The following KCNQ3 variants were observed in gnomAD, a reference collection of about 807,000 sequenced individuals.
KCNQ3 encodes potassium voltage-gated channel subfamily KQT member 3.
In KCNQ3, 30 loss-of-function variants were observed where a neutral mutation model predicts 92.5. That is an observed-to-expected ratio of 0.32 (90% confidence interval 0.24 to 0.44). The LOEUF (loss-of-function observed/expected upper bound fraction) is 0.44, where lower values mean the gene tolerates loss of function less well. KCNQ3 is among the 20% of genes least tolerant of loss of function. The pLI is 1.00. For missense variants in KCNQ3, 913 were observed against 1,140.3 expected, an observed-to-expected ratio of 0.80 and a Z score of 2.87; for synonymous variants, 450 against 468.8, an observed-to-expected ratio of 0.96 and a Z score of 0.52.
At chr8:132,198,215 T>C (rs1827360067) in intron 1 of KCNQ3, among the ~76,000 whole-genome samples, 1 of 152,200 alleles carries the variant, frequency 6.6e-6, no homozygotes, top group Non-Finnish European at 1.5e-5. Flanking sequence ...AAAGAAAGCT[T>C]GGAAGAGAAT....
intron 1 of KCNQ3, chr8:132,186,659 G>C: frequency 3.3e-6 from 1 of 298,820 alleles, no homozygotes; most frequent in Non-Finnish European, 6.6e-6. Flanking sequence ...AGGCTTCTGT[G>C]ACCAAGTATG....
chr8:132,148,278 C>G (rs1346410409), intron 9 of KCNQ3, among the ~76,000 whole-genome samples: 1 of 151,986 alleles, frequency 6.6e-6, no homozygotes, highest in Non-Finnish European at 1.5e-5. Flanking sequence ...GAGACAGAGT[C>G]TTGCTCTGTC....
intron 9 of KCNQ3, among the ~76,000 whole-genome samples, chr8:132,162,391 G>C (rs1202535392): frequency 6.6e-6 from 1 of 152,180 alleles, no homozygotes; most frequent in Non-Finnish European, 1.5e-5. Flanking sequence ...TTGAGACCTT[G>C]ATCATCTACT....
At chr8:132,355,108 CTATT>C (rs1239110444) in intron 1 of KCNQ3, among the ~76,000 whole-genome samples, 1 of 152,154 alleles carries the variant, frequency 6.6e-6, no homozygotes, top group Non-Finnish European at 1.5e-5. Context: ...AAGAGCTTAT[CTATT>C]TATGAAAATG....
rs138827118 is a variant in KCNQ3 at position 132,478,564 on chromosome 8, C to T, written c.386+1583G>A. 5.4e-4 allele frequency among the ~76,000 whole-genome samples: 82 copies of T among 152,046 alleles called. 1 individual carries two copies. The highest frequency in any genetic ancestry group is 1.9e-3 in the African/African-American group (77 of 41,456). ...TTTTTTTTCGGCCACCTAAAAAGAG[C>T]AAATGAAAGAGCAACAATTGTTAAG... On this transcript the variant is annotated intron_variant, in intron 1 of 14. Transcript: ENST00000388996.
At chr8:132,229,583 T>G (rs1406237572) in intron 1 of KCNQ3, among the ~76,000 whole-genome samples, 1 of 152,036 alleles carries the variant, frequency 6.6e-6, no homozygotes, top group Non-Finnish European at 1.5e-5. Context: ...TTCTAGGTGG[T>G]GATGTCTAAT....
intron 1 of KCNQ3, among the ~76,000 whole-genome samples, chr8:132,203,009 TG>T (rs1827509005): frequency 6.6e-6 from 1 of 152,184 alleles, no homozygotes; most frequent in Non-Finnish European, 1.5e-5. Context: ...TTCTGGAGGC[TG>T]GGAAGTCCAA....
At chr8:132,246,199 A>C (rs1815170906) in intron 1 of KCNQ3, among the ~76,000 whole-genome samples, 1 of 152,182 alleles carries the variant, frequency 6.6e-6, no homozygotes, top group East Asian at 1.9e-4. Flanking sequence ...TTCTTGTGCA[A>C]GTGCCCAGAG....
In KCNQ3 at chr8:132,125,478, C is replaced by A. The variant is rs1482905744; in HGVS notation, c.*3784G>T. 1 of 152,166 alleles carries A rather than the reference C, an allele frequency of 6.6e-6. No homozygotes were observed. Among genetic ancestry groups the A allele is most frequent in the Non-Finnish European group, 1.5e-5 (1 of 68,032 alleles). 9.4% of individuals were successfully genotyped at this position (152,166 alleles called of 1,614,324 possible). ...GGCAGAAACTGTGGTTTTCTTATCTCTGAACTTCCAGTGCACTGCAAAGTT... is the reference window on the plus strand; with the variant it reads ...GGCAGAAACTGTGGTTTTCTTATCTATGAACTTCCAGTGCACTGCAAAGTT... On this transcript the variant is annotated 3_prime_UTR_variant, in exon 15 of 15. Coordinates refer to ENST00000388996, the MANE Select transcript of KCNQ3 (RefSeq NM_004519.4).
chr8:132,323,512 C>T (rs920221518), intron 1 of KCNQ3, among the ~76,000 whole-genome samples: 2 of 152,190 alleles, frequency 1.3e-5, no homozygotes, highest in African/African-American at 2.4e-5. Context: ...TGACCTTTGA[C>T]ATGACTTGAC....
intron 1 of KCNQ3, among the ~76,000 whole-genome samples, chr8:132,294,251 T>C (rs1316294325): frequency 6.6e-6 from 1 of 152,138 alleles, no homozygotes; most frequent in African/African-American, 2.4e-5. Flanking sequence ...TCCACCGGCC[T>C]CGGCCTCCCA....
intron 1 of KCNQ3, among the ~76,000 whole-genome samples, chr8:132,305,746 C>T (rs865870179): frequency 3.9e-5 from 6 of 152,094 alleles, no homozygotes; most frequent in African/African-American, 1.4e-4. Context: ...CCTCTTGTCC[C>T]TTCAACTTGG....
chr8:132,258,157 C>T (rs777347852), intron 1 of KCNQ3, among the ~76,000 whole-genome samples: 1 of 152,108 alleles, frequency 6.6e-6, no homozygotes. Context: ...TATAGTTAGA[C>T]TAGACATAAC....
chr8:132,401,607 C>A (rs1000536633), intron 1 of KCNQ3, among the ~76,000 whole-genome samples: 1 of 152,152 alleles, frequency 6.6e-6, no homozygotes, highest in African/African-American at 2.4e-5. Context: ...ATTTCCTGAC[C>A]TCGTGATCCG....
At chr8:132,185,182 C>A (rs1826922480) in intron 2 of KCNQ3, among the ~76,000 whole-genome samples, 1 of 152,240 alleles carries the variant, frequency 6.6e-6, no homozygotes. Context: ...CTGTTGCAAA[C>A]CCCTGCTCTC....
intron 1 of KCNQ3, among the ~76,000 whole-genome samples, chr8:132,355,989 G>C (rs1819009011): frequency 6.6e-6 from 1 of 152,164 alleles, no homozygotes; most frequent in African/African-American, 2.4e-5. Context: ...ACATGGCTTT[G>C]AGGCCAGGCT....
chr8:132,414,402 G>A (rs572314878), intron 1 of KCNQ3, among the ~76,000 whole-genome samples: 3 of 152,338 alleles, frequency 2.0e-5, no homozygotes, highest in South Asian at 2.1e-4. Context: ...AGAGCAGCAC[G>A]TGGATCAGGC....
chr8:132,252,315 T>C (rs1039081218), intron 1 of KCNQ3, among the ~76,000 whole-genome samples: 9 of 116,162 alleles, frequency 7.7e-5, no homozygotes, highest in Non-Finnish European at 1.7e-4. Flanking sequence ...TTCCTTCCAG[T>C]GGGTCATGGT....
intron 1 of KCNQ3, among the ~76,000 whole-genome samples, chr8:132,376,143 C>T (rs1380203927): frequency 1.3e-5 from 2 of 152,156 alleles, no homozygotes; most frequent in Non-Finnish European, 2.9e-5. Flanking sequence ...TCCAAATTCC[C>T]ATTTCCAGTC....
Sources: allele counts gnomAD v4.1 joint callset (sites outside exome capture counted in the v4.1 genomes callset), GRCh38; gene constraint gnomAD v4.1.1; transcripts MANE v1.5; gene names NCBI Gene and HGNC (gene_info 2026-07-23, HGNC 2026-07-21).